The following ARHGEF33 variants were observed in gnomAD, a reference collection of about 807,000 sequenced individuals.
ARHGEF33 encodes the protein DH and coiled-coil domain-containing protein ENSP00000381780.
ARHGEF33 carries 72 observed loss-of-function variants against 101.9 expected under a neutral mutation model. That is an observed-to-expected ratio of 0.71 (90% confidence interval 0.58 to 0.86). ARHGEF33 has a LOEUF of 0.86. Ranked by LOEUF, ARHGEF33 falls within the 40% of genes least tolerant of loss-of-function variation. The pLI is 0.00. For synonymous variants in ARHGEF33, 499 were observed against 442.5 expected, an observed-to-expected ratio of 1.13 and a Z score of -1.60; for missense variants, 1,169 against 1,111.3, an observed-to-expected ratio of 1.05 and a Z score of -0.74.
chr2:38,929,208 A>G (rs755223406), intron 5 of ARHGEF33, 137 bp downstream of exon 5: 28 of 583,010 alleles, frequency 4.8e-5, no homozygotes, highest in Non-Finnish European at 8.1e-5. Context: ...AGGCAGGTAG[A>G]TCACAAGGTC....
Position 38,959,937 on chromosome 2 carries a change from G to A in ARHGEF33, c.1632G>A (p.Arg544=). The change falls in exon 16 of 18, where the codon AGG becomes AGA. Residue 544 remains arginine, a synonymous_variant. Transcript: ENST00000409978. ...CCAGTGACTGGGAGCTGGAGGGCAG[G>A]AAGCACGAGCGGCCCGAGAGCCTTC... is the stretch of plus-strand genomic sequence containing the variant. The part of the protein sequence containing the change: ...GKPSDWELEG[R]KHERPESLLA... 1.3e-6 allele frequency: 2 copies of A among 1,551,698 alleles called. No individual in the cohort carries two copies. The highest frequency in any genetic ancestry group is 2.4e-5 in the South Asian group (2 of 84,050).
At chr2:38,953,301 T>C in intron 12 of ARHGEF33, 56 bp downstream of exon 12, 1 of 1,025,300 alleles carries the variant, frequency 9.8e-7, no homozygotes, top group East Asian at 2.6e-5. Flanking sequence ...TCATATGATG[T>C]TGCTCATCCA....
At chr2:38,965,857 CT>C (rs1329607807) in intron 16 of ARHGEF33, 148 bp from the exon 17 acceptor site, 2 of 873,918 alleles carry the variant, frequency 2.3e-6, no homozygotes, top group East Asian at 2.7e-5. Context: ...CTTCATTAGC[CT>C]AGGTTTGCTT....
chr2:38,903,927 A>T (rs951430886), intron 2 of ARHGEF33, among the ~76,000 whole-genome samples: 1 of 152,200 alleles, frequency 6.6e-6, no homozygotes, highest in Non-Finnish European at 1.5e-5. Context: ...AGTGTTTAGG[A>T]CAGTTTAGTG....
rs1157373822 is a variant in ARHGEF33 at position 38,966,162 on chromosome 2, C to T, written c.2483+17C>T. 1 of 1,550,148 alleles carries T rather than the reference C, an allele frequency of 6.5e-7. No individual in the cohort carries two copies. The highest frequency in any genetic ancestry group is 8.7e-7 in the Non-Finnish European group (1 of 1,146,554). ...TAAAAAGAAGTGAGTAGCCCTTAGA[C>T]AAGACAGCATTGTAACTCATTTCCC... On this transcript the variant is annotated intron_variant, in intron 17 of 17. Coordinates refer to ENST00000409978, the MANE Select transcript of ARHGEF33 (RefSeq NM_001145451.5).
At position 38,943,882 on chromosome 2, in the gene ARHGEF33, C is replaced by G; in HGVS notation, c.791-19C>G. 1 of 1,549,874 alleles carries G rather than the reference C, an allele frequency of 6.5e-7. No homozygotes were observed. Among genetic ancestry groups the G allele is most frequent in the Non-Finnish European group, 8.7e-7 (1 of 1,146,448 alleles). On this transcript the variant is annotated intron_variant, in intron 9 of 17. Transcript: ENST00000409978. ...GAAGAAATGGTTAATATCAAGTCCT[C>G]TTTGGTTTGTTTCTAAAGCTAAAAG...
intron 16 of ARHGEF33, among the ~76,000 whole-genome samples, chr2:38,963,852 T>C (rs542965793): frequency 6.6e-6 from 1 of 152,278 alleles, no homozygotes; most frequent in African/African-American, 2.4e-5. Context: ...CCCCGACTTT[T>C]TTGGCACCAG....
intron 2 of ARHGEF33, among the ~76,000 whole-genome samples, chr2:38,909,869 T>C (rs141740630): frequency 9.9e-5 from 15 of 152,236 alleles, no homozygotes; most frequent in African/African-American, 3.6e-4. Context: ...TTGCGTTACA[T>C]TGATTAATTA....
intron 16 of ARHGEF33, among the ~76,000 whole-genome samples, chr2:38,965,106 T>G (rs1458692229): frequency 6.6e-6 from 1 of 152,128 alleles, no homozygotes; most frequent in African/African-American, 2.4e-5. Context: ...CAGTCACCTA[T>G]CTAATTCATG....
At chr2:38,919,240 C>G in intron 2 of ARHGEF33, 123 bp from the exon 3 acceptor site, 1 of 507,526 alleles carries the variant, frequency 2.0e-6, no homozygotes, top group South Asian at 3.2e-5. Flanking sequence ...AATATTTTTC[C>G]TCTTCTGAAA....
intron 2 of ARHGEF33, among the ~76,000 whole-genome samples, chr2:38,912,696 A>G (rs1666534167): frequency 6.6e-6 from 1 of 152,212 alleles, no homozygotes; most frequent in Non-Finnish European, 1.5e-5. Context: ...GTCAATAAAT[A>G]TAATTATTGT....
At chr2:38,896,022 T>C (rs1307470690) in intron 2 of ARHGEF33, among the ~76,000 whole-genome samples, 173 bp downstream of exon 2, 1 of 152,224 alleles carries the variant, frequency 6.6e-6, no homozygotes, top group Non-Finnish European at 1.5e-5. Flanking sequence ...ATTACTTAAT[T>C]AGCTAGCAGT....
chr2:38,929,749 C>A lies in ARHGEF33; in HGVS notation c.281C>A (p.Thr94Asn). Residue 94 changes from threonine (T) to asparagine (N), a missense_variant, in exon 6 of 18, where the codon ACT becomes AAT. Coordinates refer to ENST00000409978, the MANE Select transcript of ARHGEF33 (RefSeq NM_001145451.5). ...SNAMSMIQAI[T>N]SKQEEMQQKI... is the part of the protein sequence containing the mutation. The stretch of plus-strand genomic sequence containing the variant: ...GCCATGTCGATGATCCAAGCCATCA[C>A]TTCCAAACAAGAAGAAATGCAACAG... 1 of 1,551,958 alleles carries A rather than the reference C, an allele frequency of 6.4e-7. No homozygotes were observed. The highest frequency in any genetic ancestry group is 8.7e-7 in the Non-Finnish European group (1 of 1,146,920).
chr2:38,972,196 T>G (rs1031597373), intron 17 of ARHGEF33, among the ~76,000 whole-genome samples: 21 of 152,082 alleles, frequency 1.4e-4, no homozygotes, highest in African/African-American at 5.1e-4. Context: ...AGAGAAAGAA[T>G]GAGATGGTCA....
In ARHGEF33 at chr2:38,956,887, C is replaced by T. The variant is rs1259688414; in HGVS notation, c.1222-12C>T. 3 of 1,551,100 alleles carry T rather than the reference C, an allele frequency of 1.9e-6. No homozygotes were observed. The East Asian group carries it at 7.3e-5, about 38-fold the overall frequency. On this transcript the variant is annotated splice_polypyrimidine_tract_variant and intron_variant, in intron 13 of 17. Transcript: ENST00000409978. ...GATTATGCAATGCTACTTCCTTTTC[C>T]CCTCCATCCAGAACGTCCTGAAGTT... is the stretch of plus-strand genomic sequence containing the variant.
chr2:38,950,631 G>T (rs56220405), intron 10 of ARHGEF33, among the ~76,000 whole-genome samples: 1 of 152,038 alleles, frequency 6.6e-6, no homozygotes, highest in Non-Finnish European at 1.5e-5. Context: ...TGTATTTTTA[G>T]TAGAGATGGG....
intron 3 of ARHGEF33, among the ~76,000 whole-genome samples, chr2:38,920,655 G>A (rs548582692): frequency 9.9e-5 from 15 of 152,022 alleles, no homozygotes; most frequent in African/African-American, 2.2e-4. Context: ...TGATCCTCCC[G>A]CCTTGGCCTC....
intron 7 of ARHGEF33, among the ~76,000 whole-genome samples, chr2:38,932,796 G>A (rs1192201726): frequency 6.6e-6 from 1 of 152,198 alleles, no homozygotes; most frequent in African/African-American, 2.4e-5. Context: ...GAAAACAGCT[G>A]ATCCAGATGA....
intron 17 of ARHGEF33, among the ~76,000 whole-genome samples, chr2:38,966,816 G>T (rs1668062111): frequency 6.6e-6 from 1 of 152,188 alleles, no homozygotes; most frequent in Non-Finnish European, 1.5e-5. Flanking sequence ...GGGAGGCAGT[G>T]GCCAAACCCC....
Sources: gnomAD v4.1 joint callset for allele counts (sites outside exome capture counted in the v4.1 genomes callset) on GRCh38, gnomAD v4.1.1 for gene constraint, MANE v1.5 for transcripts, NCBI Gene and HGNC (gene_info 2026-07-23, HGNC 2026-07-21) for gene names.